The following PFKFB4 variants were observed in gnomAD, a reference collection of about 807,000 sequenced individuals.
PFKFB4 encodes the protein 6-phosphofructo-2-kinase/fructose-2,6-bisphosphatase 4.
A neutral mutation model predicts 62.8 loss-of-function variants in PFKFB4; 42 were observed. The ratio of observed to expected loss-of-function variants is 0.67; its 90% CI spans 0.52 to 0.86. The LOEUF is 0.86. Among genes scored for constraint, PFKFB4 ranks in the 40% least tolerant of loss-of-function variants. PFKFB4 has a pLI of 0.00. For synonymous variants in PFKFB4, 204 were observed against 240.7 expected, an observed-to-expected ratio of 0.85 and a Z score of 1.41; for missense variants, 475 against 627.2, an observed-to-expected ratio of 0.76 and a Z score of 2.59.
chr3:48,524,738 T>C (rs954494817), intron 10 of PFKFB4, among the ~76,000 whole-genome samples: 1 of 152,128 alleles, frequency 6.6e-6, no homozygotes, highest in Admixed American at 6.5e-5. Flanking sequence ...GGCTTCTGGG[T>C]GGAGGTGCTT....
At chr3:48,531,813 A>G (rs2042436909) in intron 9 of PFKFB4, among the ~76,000 whole-genome samples, 1 of 152,104 alleles carries the variant, frequency 6.6e-6, no homozygotes, top group South Asian at 2.1e-4. Context: ...GAAAAAATAT[A>G]TGGACAGAAA....
intron 4 of PFKFB4, among the ~76,000 whole-genome samples, chr3:48,541,500 G>A (rs991396332): frequency 6.6e-6 from 1 of 151,456 alleles, no homozygotes; most frequent in South Asian, 2.1e-4. Flanking sequence ...CAAACTCTTG[G>A]GCTCAAGCAG....
intron 10 of PFKFB4, 114 bp from the exon 11 acceptor site, chr3:48,523,944 T>C (rs1575354102): frequency 2.4e-6 from 3 of 1,230,698 alleles, no homozygotes; most frequent in East Asian, 4.7e-5. Flanking sequence ...TCTGGGAAGC[T>C]GTGGCTGGGC....
chr3:48,524,298 G>A (rs867294900), intron 10 of PFKFB4, among the ~76,000 whole-genome samples: 2 of 152,294 alleles, frequency 1.3e-5, no homozygotes, highest in African/African-American at 4.8e-5. Flanking sequence ...TACCTGCCCA[G>A]TATCTTCCCC....
At chr3:48,549,523 C>T (rs2043064795) in intron 3 of PFKFB4, among the ~76,000 whole-genome samples, 1 of 148,858 alleles carries the variant, frequency 6.7e-6, no homozygotes, top group East Asian at 1.9e-4. Context: ...GGGCTGAGCC[C>T]CTCTTACCTC....
chr3:48,541,731 T>C (rs2042804860), intron 4 of PFKFB4, among the ~76,000 whole-genome samples: 1 of 152,152 alleles, frequency 6.6e-6, no homozygotes, highest in African/African-American at 2.4e-5. Context: ...TTTCGGAGGC[T>C]GGGGCAGGCA....
At chr3:48,531,911 G>A (rs2042440088) in intron 9 of PFKFB4, among the ~76,000 whole-genome samples, 1 of 152,214 alleles carries the variant, frequency 6.6e-6, no homozygotes, top group African/African-American at 2.4e-5. Context: ...AAAACAACAA[G>A]TGTTGACAAG....
intron 7 of PFKFB4, 92 bp downstream of exon 7, chr3:48,538,406 A>G: frequency 6.7e-7 from 1 of 1,501,330 alleles, no homozygotes; most frequent in Non-Finnish European, 9.1e-7. Context: ...TTGGTCCTCC[A>G]GCCACCACCA....
intron 4 of PFKFB4, among the ~76,000 whole-genome samples, chr3:48,541,485 G>C (rs937257824): frequency 5.3e-5 from 8 of 151,590 alleles, no homozygotes; most frequent in Non-Finnish European, 1.2e-4. Flanking sequence ...TATGTAAGCT[G>C]GTCTCAAACT....
intron 1 of PFKFB4, among the ~76,000 whole-genome samples, chr3:48,553,576 C>T (rs868215199): frequency 3.3e-5 from 5 of 152,150 alleles, no homozygotes; most frequent in African/African-American, 9.7e-5. Context: ...CCTGTAAATT[C>T]GCTGCAGGCC....
At position 48,518,201 on chromosome 3, in the gene PFKFB4, C is replaced by G. The variant is rs1469573589; in HGVS notation, c.*1546G>C. On this transcript the variant is annotated 3_prime_UTR_variant, in exon 14 of 14. Transcript: ENST00000232375. ...GGGCTTGGGGCTCTGACAGATGAGT[C>G]TGGAAGGATCTTGCCCCGGCTCCGC... 6.6e-6 allele frequency: 1 copy of G among 152,370 alleles called. No individual in the cohort carries two copies. Among genetic ancestry groups the G allele is most frequent in the Non-Finnish European group, 1.5e-5 (1 of 68,124 alleles). The allele number at this position is 152,370 out of a possible 1,614,324, so 9.4% of individuals were successfully genotyped here.
chr3:48,550,065 C>G (rs2043088272), intron 2 of PFKFB4, 53 bp downstream of exon 2: 1 of 1,461,604 alleles, frequency 6.8e-7, no homozygotes, highest in Non-Finnish European at 9.6e-7. Flanking sequence ...CTTCTCTATT[C>G]TCTTCGTCAT....
chr3:48,529,732 C>T (rs1156744615), intron 9 of PFKFB4, among the ~76,000 whole-genome samples: 2 of 152,200 alleles, frequency 1.3e-5, no homozygotes, highest in Non-Finnish European at 2.9e-5. Flanking sequence ...AATAAAACCA[C>T]AACTTGAGTT....
At chr3:48,545,126 C>A (rs1560172753) in intron 3 of PFKFB4, among the ~76,000 whole-genome samples, 1 of 151,720 alleles carries the variant, frequency 6.6e-6, no homozygotes, top group African/African-American at 2.4e-5. Flanking sequence ...GCTAGATCTC[C>A]TAGCTTTGTG....
chr3:48,526,332 G>C (rs2042258201), intron 9 of PFKFB4, among the ~76,000 whole-genome samples: 2 of 152,114 alleles, frequency 1.3e-5, no homozygotes, highest in Admixed American at 1.3e-4. Context: ...CAGCACTTTG[G>C]GAGGCTGAGG....
intron 9 of PFKFB4, among the ~76,000 whole-genome samples, chr3:48,526,322 C>A (rs185565776): frequency 7.9e-5 from 12 of 152,214 alleles, no homozygotes; most frequent in East Asian, 7.7e-4. Context: ...CCTGTAATCC[C>A]AGCACTTTGG....
In PFKFB4 at chr3:48,521,160, C is replaced by T. The variant is rs1460798057; in HGVS notation, c.1350+826G>A. Among the ~76,000 whole-genome samples, 2 of 152,210 alleles carry T rather than the reference C, an allele frequency of 1.3e-5. No individual in the cohort carries two copies. Among genetic ancestry groups the T allele is most frequent in the African/African-American group, 4.8e-5 (2 of 41,450 alleles). On this transcript the variant is annotated intron_variant, in intron 13 of 13. Coordinates refer to ENST00000232375, the MANE Select transcript of PFKFB4 (RefSeq NM_004567.4). This position sits in a 1 kb window ranked among gnomAD's most constrained non-coding sequence, Gnocchi z 5.3. ...CCAGATGTCCTGGTCCAGCCCAAGA[C>T]GTGCATCCTCAGCAGGGACCCAGAG...
chr3:48,538,729 A>G, intron 6 of PFKFB4, 110 bp from the exon 7 acceptor site: 1 of 1,408,212 alleles, frequency 7.1e-7, no homozygotes, highest in Non-Finnish European at 9.7e-7. Context: ...ACCGGAGACC[A>G]GTGCGGGAAC....
At chr3:48,562,803 G>A (rs749118149), upstream of PFKFB4, 58 of 1,556,760 alleles carry the variant, frequency 3.7e-5, no homozygotes, top group Non-Finnish European at 4.6e-5. This position sits in a 1 kb window ranked among gnomAD's most constrained non-coding sequence, Gnocchi z 4.3. Context: ...TGGCCGACAC[G>A]GGCCAGGATG....
Sources: gnomAD v4.1 joint callset for allele counts (sites outside exome capture counted in the v4.1 genomes callset) on GRCh38, gnomAD v4.1.1 for gene constraint, Gnocchi (gnomAD v3.1) non-coding constraint, MANE v1.5 for transcripts, NCBI Gene and HGNC (gene_info 2026-07-23, HGNC 2026-07-21) for gene names.